Variants in SP4 observed in about 807,000 individuals in gnomAD.
SP4 encodes the protein transcription factor Sp4.
Under a neutral mutation model 72.8 loss-of-function variants are expected in SP4, and 19 were observed. The observed-to-expected ratio is 0.26, with a 90% CI of 0.18 to 0.38. SP4 has a LOEUF of 0.38. Ranked by LOEUF, SP4 falls within the 10% of genes least tolerant of loss-of-function variation. SP4 has a pLI of 1.00. For synonymous variants in SP4, 395 were observed against 333.1 expected (o/e 1.19, Z -2.02); for missense variants, 1,008 against 926.3 (o/e 1.09, Z -1.14).
At chr7:21,509,694 AAG>A (rs1268937368) in intron 5 of SP4, among the ~76,000 whole-genome samples, 3 of 152,200 alleles carry the variant, frequency 2.0e-5, no homozygotes, top group East Asian at 3.8e-4. Context: ...CGTAAAGAAA[AAG>A]AGAATGTAAA....
At chr7:21,501,303 T>C (rs1306345979) in intron 5 of SP4, among the ~76,000 whole-genome samples, 1 of 152,208 alleles carries the variant, frequency 6.6e-6, no homozygotes, top group Non-Finnish European at 1.5e-5. Context: ...AGATTTATCA[T>C]GCCTTGAAAA....
chr7:21,452,656 T>G (rs1783635147), intron 3 of SP4, among the ~76,000 whole-genome samples: 1 of 152,242 alleles, frequency 6.6e-6, no homozygotes, highest in East Asian at 1.9e-4. Context: ...AAAACAGATT[T>G]TATTGCACTT....
intron 5 of SP4, among the ~76,000 whole-genome samples, chr7:21,491,137 C>G (rs1784967949): frequency 6.6e-6 from 1 of 152,048 alleles, no homozygotes; most frequent in African/African-American, 2.4e-5. Flanking sequence ...GCTCTTATAG[C>G]CATGATCCAT....
rs2128409484 is a variant in SP4, at chr7:21,477,099, G to A, written c.1699G>A (p.Gly567Arg). ...TTTAGGTCAGCAGCAAGGACAAGAT[G>A]GAGTAAAAGTCCAGCAAGCTACTAT... ...SVAGQQQGQD[G>R]VKVQQATIAP... is the part of the protein sequence containing the mutation. The change falls in exon 4 of 6, where the codon GGA (glycine) becomes AGA (arginine). Residue 567 changes from glycine (G) to arginine (R), a missense_variant. Physicochemically the swap from Gly to Arg is moderately radical, Grantham distance 125. Transcript: ENST00000222584. 6.2e-7 allele frequency: 1 copy of A among 1,613,568 alleles called. No individual in the cohort carries two copies. The highest frequency in any genetic ancestry group is 8.5e-7 in the Non-Finnish European group (1 of 1,179,628).
intron 3 of SP4, among the ~76,000 whole-genome samples, chr7:21,460,065 A>T (rs970805295): frequency 4.6e-5 from 7 of 152,172 alleles, no homozygotes; most frequent in African/African-American, 1.2e-4. Flanking sequence ...ACTCCATGAA[A>T]CCTGGTAGGC....
intron 3 of SP4, among the ~76,000 whole-genome samples, chr7:21,446,391 A>C (rs1445662581): frequency 6.6e-6 from 1 of 152,154 alleles, no homozygotes; most frequent in Non-Finnish European, 1.5e-5. Flanking sequence ...TGGAAAGCAA[A>C]CATGTTTCAT....
intron 3 of SP4, among the ~76,000 whole-genome samples, chr7:21,443,280 A>G (rs910306913): frequency 3.3e-5 from 5 of 152,226 alleles, no homozygotes; most frequent in African/African-American, 9.6e-5. Context: ...GGATGGACAG[A>G]TCCTTGGAAT....
intron 5 of SP4, among the ~76,000 whole-genome samples, chr7:21,491,383 G>C (rs949452875): frequency 6.6e-6 from 1 of 152,122 alleles, no homozygotes; most frequent in African/African-American, 2.4e-5. Flanking sequence ...AAAGGAAGAA[G>C]ATTGGGGAGT....
At chr7:21,452,113 G>A (rs1259959412) in intron 3 of SP4, among the ~76,000 whole-genome samples, 1 of 152,174 alleles carries the variant, frequency 6.6e-6, no homozygotes, top group Non-Finnish European at 1.5e-5. Context: ...AACAACTGAT[G>A]AGACTAAAAT....
chr7:21,467,218 C>G (rs574103739), intron 3 of SP4, among the ~76,000 whole-genome samples: 56 of 152,096 alleles, frequency 3.7e-4, no homozygotes, highest in Non-Finnish European at 4.1e-4. Context: ...AAAAATGTCT[C>G]CAGACATTGC....
chr7:21,504,102 T>A (rs557459030), intron 5 of SP4, among the ~76,000 whole-genome samples: 35 of 148,926 alleles, frequency 2.4e-4, no homozygotes, highest in Middle Eastern at 3.4e-3. Context: ...ATAGTCTAAT[T>A]TCTTCGTCCA....
intron 3 of SP4, among the ~76,000 whole-genome samples, chr7:21,468,285 G>A (rs1784229308): frequency 6.6e-6 from 1 of 152,060 alleles, no homozygotes; most frequent in African/African-American, 2.4e-5. Context: ...TGTCAAATTA[G>A]CAGACTTTCA....
At chr7:21,453,250 A>G (rs1783656855) in intron 3 of SP4, among the ~76,000 whole-genome samples, 1 of 152,224 alleles carries the variant, frequency 6.6e-6, no homozygotes, top group Non-Finnish European at 1.5e-5. Context: ...TTCAGCTTTC[A>G]TGAGAGTCCT....
rs370016413 is a variant in SP4 at position 21,445,069 on chromosome 7, C to T, written c.1678+14226C>T. ...GAATTTGAGGCTAGTAATAACATCTCCCTGACTAAATATTTGTGTATCACA... is the reference window on the plus strand; with the variant it reads ...GAATTTGAGGCTAGTAATAACATCTTCCTGACTAAATATTTGTGTATCACA... On this transcript the variant is annotated intron_variant, in intron 3 of 5. Coordinates refer to ENST00000222584, the MANE Select transcript of SP4 (RefSeq NM_003112.5). 1.1e-3 allele frequency among the ~76,000 whole-genome samples: 162 copies of T among 152,214 alleles called. 1 individual carries two copies. The highest frequency in any genetic ancestry group is 3.8e-3 in the African/African-American group (157 of 41,552).
chr7:21,432,791 C>T (rs775778983), intron 3 of SP4, among the ~76,000 whole-genome samples: 1 of 151,998 alleles, frequency 6.6e-6, no homozygotes, highest in South Asian at 2.1e-4. Flanking sequence ...CCCACTAGTT[C>T]AAGACCAGCC....
chr7:21,487,762 ATGGTGGTGG>A (rs745424097), intron 5 of SP4, among the ~76,000 whole-genome samples: 73 of 71,248 alleles, frequency 1.0e-3, no homozygotes, highest in Middle Eastern at 0.01. Context: ...GATGATGATG[ATGGTGGTGG>A]TGGTGGTGGT....
intron 5 of SP4, among the ~76,000 whole-genome samples, chr7:21,508,501 G>A (rs1257335806): frequency 6.6e-6 from 1 of 152,024 alleles, no homozygotes; most frequent in Non-Finnish European, 1.5e-5. Context: ...TACTTTTTTT[G>A]TATTTTTAGT....
chr7:21,453,188 A>G (rs1039710054), intron 3 of SP4, among the ~76,000 whole-genome samples: 4 of 152,234 alleles, frequency 2.6e-5, no homozygotes, highest in Non-Finnish European at 4.4e-5. Context: ...TTAGTCTTCT[A>G]TTAGTTCAGT....
intron 5 of SP4, among the ~76,000 whole-genome samples, chr7:21,494,394 T>C (rs1785054374): frequency 6.6e-6 from 1 of 152,006 alleles, no homozygotes; most frequent in South Asian, 2.1e-4. Context: ...CCGTGGTGCC[T>C]ACCAAAAAGC....
Sources: gnomAD v4.1 joint callset for allele counts (sites outside exome capture counted in the v4.1 genomes callset) on GRCh38, gnomAD v4.1.1 for gene constraint, MANE v1.5 for transcripts, NCBI Gene and HGNC (gene_info 2026-07-23, HGNC 2026-07-21) for gene names.